CEP162: variants seen among roughly 807,000 people sequenced by gnomAD.
CEP162 encodes centrosomal protein of 162 kDa.
CEP162 carries 141 observed loss-of-function variants against 169.2 expected under a neutral mutation model. The ratio of observed to expected loss-of-function variants is 0.83; its 90% CI spans 0.73 to 0.96. The LOEUF is 0.96. Ranked by LOEUF, CEP162 falls within the 40% of genes least tolerant of loss-of-function variation. The pLI is 0.00. For synonymous variants in CEP162, 540 were observed against 526.4 expected, an observed-to-expected ratio of 1.03 and a Z score of -0.35; for missense variants, 1,600 against 1,587.2, an observed-to-expected ratio of 1.01 and a Z score of -0.14.
Position 84,210,556 on chromosome 6 carries a change from G to A in CEP162, c.571+2401C>T, listed in dbSNP as rs77628940. 6.5e-3 allele frequency among the ~76,000 whole-genome samples: 989 copies of A among 152,292 alleles called. 7 individuals carry two copies. Among genetic ancestry groups the A allele is most frequent in the African/African-American group, 0.023 (940 of 41,566 alleles). ...GATTGGGACAGTATCACTGAGTAGA[G>A]GAGAGCGAGATAAGTTCAGAAAGGC... On this transcript the variant is annotated intron_variant, in intron 6 of 26. Coordinates refer to ENST00000403245, the MANE Select transcript of CEP162 (RefSeq NM_014895.4).
chr6:84,212,032 C>T (rs899201893), intron 6 of CEP162, among the ~76,000 whole-genome samples: 1 of 150,506 alleles, frequency 6.6e-6, no homozygotes, highest in Admixed American at 6.6e-5. Context: ...CATTAAACTG[C>T]CCGAAGGAAA....
At chr6:84,216,732 G>A (rs1278625224) in intron 3 of CEP162, among the ~76,000 whole-genome samples, 1 of 152,116 alleles carries the variant, frequency 6.6e-6, no homozygotes, top group African/African-American at 2.4e-5. Flanking sequence ...AATATATGTG[G>A]AGAGAATTGA....
chr6:84,213,720 AATATC>A (rs746704523), intron 5 of CEP162, among the ~76,000 whole-genome samples: 26 of 152,240 alleles, frequency 1.7e-4, no homozygotes, highest in Non-Finnish European at 3.1e-4. Context: ...CTACAGCAGA[AATATC>A]AATAGATAAG....
chr6:84,129,516 CA>C (rs1270679989), intron 25 of CEP162, among the ~76,000 whole-genome samples: 1 of 152,100 alleles, frequency 6.6e-6, no homozygotes, highest in African/African-American at 2.4e-5. Flanking sequence ...ATCCTTTGCC[CA>C]CTTTTTGATG....
rs998264726 is a variant in CEP162, at chr6:84,171,349, C to G, written c.2279+257G>C. On this transcript the variant is annotated intron_variant, in intron 17 of 26. Coordinates refer to ENST00000403245, the MANE Select transcript of CEP162 (RefSeq NM_014895.4). Reference sequence around the variant, plus strand: ...ATACTATATATTCAATTTCCTGAAACTGATGTTTGAATCAGTTATGAACAT... The same window carrying G: ...ATACTATATATTCAATTTCCTGAAAGTGATGTTTGAATCAGTTATGAACAT... Among the ~76,000 whole-genome samples, 3 of 152,036 alleles carry G rather than the reference C, an allele frequency of 2.0e-5. No individual in the cohort carries two copies. In the South Asian group the frequency reaches 6.2e-4, roughly 32 times the overall value.
chr6:84,128,138 T>C (rs1427029558), intron 25 of CEP162, among the ~76,000 whole-genome samples: 2 of 152,206 alleles, frequency 1.3e-5, no homozygotes, highest in African/African-American at 4.8e-5. Flanking sequence ...TGTTTAACAA[T>C]TATTCATGAA....
chr6:84,167,420 T>G (rs1202718819), intron 18 of CEP162, among the ~76,000 whole-genome samples: 1 of 152,188 alleles, frequency 6.6e-6, no homozygotes, highest in Non-Finnish European at 1.5e-5. Flanking sequence ...TTTTGTATAT[T>G]TAAGCACTTT....
At chr6:84,167,769 G>A (rs991020305) in intron 18 of CEP162, among the ~76,000 whole-genome samples, 8 of 152,152 alleles carry the variant, frequency 5.3e-5, no homozygotes, top group African/African-American at 1.7e-4. Flanking sequence ...AACCATTAAA[G>A]TATGTGCAGA....
At chr6:84,190,595 C>T (rs1354865505) in intron 11 of CEP162, among the ~76,000 whole-genome samples, 1 of 151,894 alleles carries the variant, frequency 6.6e-6, no homozygotes, top group Non-Finnish European at 1.5e-5. Flanking sequence ...TCCAGACGCG[C>T]TGCCTTAAGA....
chr6:84,219,138 G>C, intron 3 of CEP162: 2 of 1,277,922 alleles, frequency 1.6e-6, no homozygotes, highest in Non-Finnish European at 2.1e-6. Flanking sequence ...CTCTTCTCAA[G>C]AGGAGTGTTG....
chr6:84,193,935 G>A (rs1422006515), intron 10 of CEP162, among the ~76,000 whole-genome samples: 7 of 151,822 alleles, frequency 4.6e-5, no homozygotes, highest in African/African-American at 1.5e-4. Context: ...ATACACACAC[G>A]CTAAGTACAT....
chr6:84,126,244 A>T, intron 26 of CEP162, 134 bp downstream of exon 26: 1 of 549,500 alleles, frequency 1.8e-6, no homozygotes, highest in Non-Finnish European at 2.8e-6. Context: ...TAAATTTATT[A>T]AATTTTTAAC....
At chr6:84,201,064 G>A (rs1412716742) in intron 8 of CEP162, among the ~76,000 whole-genome samples, 159 bp from the exon 9 acceptor site, 1 of 152,216 alleles carries the variant, frequency 6.6e-6, no homozygotes. Context: ...AGATCACGAG[G>A]TCAGGAGATC....
intron 19 of CEP162, 77 bp downstream of exon 19, chr6:84,163,067 T>C (rs758095777): frequency 1.2e-5 from 17 of 1,397,004 alleles, no homozygotes; most frequent in Admixed American, 2.0e-5. Flanking sequence ...GATTATACCA[T>C]TCAATTTCTA....
rs980170335 is a variant in CEP162, at chr6:84,185,297, G to A, written c.1553C>T (p.Pro518Leu). The A allele has an allele frequency of 3.7e-6, 6 of 1,613,568 alleles. No individual in the cohort carries two copies. Among genetic ancestry groups the A allele is most frequent in the Non-Finnish European group, 5.1e-6 (6 of 1,179,666 alleles). ...AGAAAACATCTTGAGTGGTGAACTGGGTTTGCCATAGCCTGAGCTCCTAAC... is the reference window on the plus strand; with the variant it reads ...AGAAAACATCTTGAGTGGTGAACTGAGTTTGCCATAGCCTGAGCTCCTAAC... ...ASVRSSGYGK[P>L]SSPLKMFSTL... is the part of the protein sequence containing the mutation. Residue 518 changes from proline to leucine, a missense_variant, in exon 13 of 27, where the codon CCC becomes CTC. By Grantham distance (98) the Pro-to-Leu change is moderately conservative (BLOSUM62 -3). Transcript: ENST00000403245.
intron 2 of CEP162, 64 bp from the exon 3 acceptor site, chr6:84,221,235 CATT>C (rs1441475831): frequency 5.0e-6 from 4 of 800,920 alleles, no homozygotes; most frequent in East Asian, 2.5e-5. Flanking sequence ...TCAGATTCAT[CATT>C]AAGCATGTTT....
chr6:84,188,326 T>C (rs1042663619), intron 11 of CEP162, among the ~76,000 whole-genome samples: 1 of 152,104 alleles, frequency 6.6e-6, no homozygotes. Flanking sequence ...TTCAGACTAT[T>C]TCACACCCAG....
At chr6:84,212,844 T>G in intron 6 of CEP162, 113 bp downstream of exon 6, 1 of 685,676 alleles carries the variant, frequency 1.5e-6, no homozygotes, top group East Asian at 2.8e-5. Flanking sequence ...CCCACTCTAT[T>G]CAAAGCTCTG....
chr6:84,169,574 C>G, intron 17 of CEP162, 141 bp from the exon 18 acceptor site: 1 of 504,888 alleles, frequency 2.0e-6, no homozygotes, highest in East Asian at 3.2e-5. Flanking sequence ...TTCATTTAAT[C>G]TAAAGATTAA....
Sources: allele counts gnomAD v4.1 joint callset (sites outside exome capture counted in the v4.1 genomes callset), GRCh38; gene constraint gnomAD v4.1.1; transcripts MANE v1.5; gene names NCBI Gene and HGNC (gene_info 2026-07-23, HGNC 2026-07-21).